HLA-DPB1: variants seen among roughly 807,000 people sequenced by gnomAD.
HLA-DPB1 encodes the protein HLA class II histocompatibility antigen, DP beta 1 chain.
A neutral mutation model predicts 29.4 loss-of-function variants in HLA-DPB1; 30 were observed. That is an observed-to-expected ratio of 1.02 (90% confidence interval 0.76 to 1.38). HLA-DPB1 has a LOEUF of 1.38. HLA-DPB1 is among the 40% of genes most tolerant of loss of function. The pLI, the probability that HLA-DPB1 is intolerant of heterozygous loss-of-function variation, is 0.00. For missense variants in HLA-DPB1, 261 were observed against 327.5 expected (o/e 0.80, Z 1.57); for synonymous variants, 114 against 134.0 (o/e 0.85, Z 1.03).
chr6:33,081,415 A>AG (rs1762860625), intron 2 of HLA-DPB1, among the ~76,000 whole-genome samples: 1 of 152,064 alleles, frequency 6.6e-6, no homozygotes, highest in Admixed American at 6.5e-5. Context: ...GAGGGGACCC[A>AG]GGGGGAAGAG....
rs1763146410 is a variant in HLA-DPB1, at chr6:33,087,194, C to T, written c.*660C>T. On this transcript the variant is annotated 3_prime_UTR_variant, in exon 6 of 6. Coordinates refer to ENST00000418931, the MANE Select transcript of HLA-DPB1 (RefSeq NM_002121.6). Reference sequence around the variant, plus strand: ...TTAAAATCATAAATATAATCTAATACACTTTAACCATTTTCTTTGTGTGCC... The same window carrying T: ...TTAAAATCATAAATATAATCTAATATACTTTAACCATTTTCTTTGTGTGCC... 1 of 153,222 alleles carries T rather than the reference C, an allele frequency of 6.5e-6. No individual in the cohort carries two copies. Among genetic ancestry groups the T allele is most frequent in the Non-Finnish European group, 1.5e-5 (1 of 68,746 alleles). 9.5% of individuals were successfully genotyped at this position (153,222 alleles called of 1,614,324 possible). A position where few individuals can be genotyped will look rare whatever the true frequency, so the allele number is the denominator to read the frequency against.
At position 33,085,233 on chromosome 6, in the gene HLA-DPB1, T is replaced by G. The variant is rs766369841; in HGVS notation, c.646+2T>G. ...ATAGTCCTGTCACCGTGGAGTGGAGTGAGTCTCTGATGACCCTCTAGACCC... is the reference window on the plus strand; with the variant it reads ...ATAGTCCTGTCACCGTGGAGTGGAGGGAGTCTCTGATGACCCTCTAGACCC... On this transcript the variant is annotated splice_donor_variant, in intron 3 of 5. Transcript: ENST00000418931. LOFTEE classifies it high-confidence loss of function. 1 of 1,600,568 alleles carries G rather than the reference T, an allele frequency of 6.2e-7. No homozygotes were observed. Among genetic ancestry groups the G allele is most frequent in the Admixed American group, 1.7e-5 (1 of 59,620 alleles).
chr6:33,086,273 G>C (rs531461047), intron 5 of HLA-DPB1, 31 bp downstream of exon 5: 19 of 1,519,426 alleles, frequency 1.3e-5, no homozygotes, highest in Non-Finnish European at 1.6e-5. Flanking sequence ...TCCTTGTGGG[G>C]TGGGTTGCAG....
In HLA-DPB1 at chr6:33,076,076, C is replaced by G; in HGVS notation, c.35C>G (p.Thr12Arg). The stretch of plus-strand genomic sequence containing the variant: ...CTGCAGGTTTCTGCGGCCCCCCGGA[C>G]AGTGGCTCTGACGGCGTTACTGATG... ...MVLQVSAAPR[T>R]VALTALLMVL... The change falls in exon 1 of 6, where the codon ACA (threonine) becomes AGA (arginine). Residue 12 changes from threonine to arginine, a missense_variant. Transcript: ENST00000418931. The G allele has an allele frequency of 6.2e-7, 1 of 1,612,628 alleles. No individual in the cohort carries two copies. The highest frequency in any genetic ancestry group is 8.5e-7 in the Non-Finnish European group (1 of 1,179,916).
At chr6:33,079,140 G>T (rs1762707811) in intron 1 of HLA-DPB1, among the ~76,000 whole-genome samples, 2 of 152,238 alleles carry the variant, frequency 1.3e-5, no homozygotes, top group African/African-American at 4.8e-5. Context: ...ACTTCTGCTA[G>T]GGGTGAGGTT....
Position 33,085,781 on chromosome 6 carries a change from GCA to G in HLA-DPB1, c.652_653del (p.Gln218ValfsTer2). 1.2e-6 allele frequency: 2 copies of G among 1,612,190 alleles called. No homozygotes were observed. Among genetic ancestry groups the G allele is most frequent in the Non-Finnish European group, 8.5e-7 (1 of 1,178,254 alleles). On this transcript the variant is annotated frameshift_variant, in exon 4 of 6. Transcript: ENST00000418931. LOFTEE classifies it high-confidence loss of function. ...AAACCTGGGTCTGTCCTTCCCAGAG[GCA>G]CAGTCTGATTCTGCCCGGAGTAAGA... Reference protein sequence around the residue: ...LDSPVTVEWKAQSDSARSKTL... With the variant: ...LDSPVTVEWKXQSDSARSKTL...
At chr6:33,076,833 C>T (rs1375215193) in intron 1 of HLA-DPB1, among the ~76,000 whole-genome samples, 1 of 152,086 alleles carries the variant, frequency 6.6e-6, no homozygotes, top group Non-Finnish European at 1.5e-5. Flanking sequence ...TGAAAAATCT[C>T]TTCTTCCTGC....
At chr6:33,079,548 A>G (rs1391025325) in intron 1 of HLA-DPB1, 2 of 378,256 alleles carry the variant, frequency 5.3e-6, no homozygotes, top group Non-Finnish European at 1.0e-5. Flanking sequence ...AAAATTAAGC[A>G]TAACTGGCGG....
At chr6:33,081,382 A>G (rs2856826) in intron 2 of HLA-DPB1, 3,709 of 176,988 alleles carry the variant, frequency 0.021, 85 homozygotes, top group African/African-American at 0.065. Context: ...GAGGAGACTG[A>G]GATACATGAG....
chr6:33,086,325 C>T (rs1763101410), intron 5 of HLA-DPB1, 83 bp downstream of exon 5: 1 of 1,089,042 alleles, frequency 9.2e-7, no homozygotes, highest in Non-Finnish European at 1.4e-6. Context: ...ACTGAGGCTC[C>T]TCCAGGAAGG....
At chr6:33,077,019 A>AT (rs1762571798) in intron 1 of HLA-DPB1, among the ~76,000 whole-genome samples, 2 of 151,298 alleles carry the variant, frequency 1.3e-5, no homozygotes, top group Non-Finnish European at 2.9e-5. Context: ...TGCTGCACCC[A>AT]TTAACTCGTC....
In HLA-DPB1 at chr6:33,080,911, G is replaced by GA. The variant is rs141530233; in HGVS notation, c.340_341insA (p.Gly114GlufsTer12). On this transcript the variant is annotated frameshift_variant, in exon 2 of 6. Transcript: ENST00000418931. LOFTEE classifies it high-confidence loss of function. This position sits in a 1 kb window ranked among gnomAD's most constrained non-coding sequence, Gnocchi z 4.3. ...GTGCAGACACAACTACGAGCTGGGC[G>GA]GGCCCATGACCCTGCAGCGCCGAGG... 7 of 1,603,872 alleles carry GA rather than the reference G, an allele frequency of 4.4e-6. No individual in the cohort carries two copies. Among genetic ancestry groups the GA allele is most frequent in the East Asian group, 2.2e-5 (1 of 44,822 alleles).
At chr6:33,079,362 G>T (rs1388779584) in intron 1 of HLA-DPB1, 2 of 189,916 alleles carry the variant, frequency 1.1e-5, no homozygotes, top group African/African-American at 4.8e-5. Context: ...TGTGGGAAAG[G>T]CTGCCAAAAT....
chr6:33,086,353 C>A, intron 5 of HLA-DPB1, 111 bp downstream of exon 5: 2 of 904,834 alleles, frequency 2.2e-6, no homozygotes, highest in Non-Finnish European at 3.7e-6. Context: ...AGGCATGAAC[C>A]CCTCTTTCAA....
Position 33,086,406 on chromosome 6 carries a change from C to T in HLA-DPB1, c.*5-133C>T. On this transcript the variant is annotated intron_variant, in intron 5 of 5. Coordinates refer to ENST00000418931, the MANE Select transcript of HLA-DPB1 (RefSeq NM_002121.6). ...GTGGGGAAAGAGCATTGCTTGGCTC[C>T]ATTGCTGAAGGAAGCAGAGATCAAC... is the stretch of plus-strand genomic sequence containing the variant. The T allele has an allele frequency of 4.0e-6, 3 of 745,494 alleles. No homozygotes were observed. In the South Asian group the frequency reaches 4.3e-5, roughly 11 times the overall value. 46.2% of individuals were successfully genotyped at this position (745,494 alleles called of 1,614,324 possible). A position where few individuals can be genotyped will look rare whatever the true frequency, so the allele number is the denominator to read the frequency against.
intron 2 of HLA-DPB1, chr6:33,081,154 G>C (rs1762845903): frequency 7.1e-6 from 4 of 565,546 alleles, no homozygotes; most frequent in Non-Finnish European, 1.2e-5. Flanking sequence ...AGAGCAGAGA[G>C]ACCCCCGGGA....
In HLA-DPB1 at chr6:33,076,138, C is replaced by T. The variant is rs1393414427; in HGVS notation, c.97C>T (p.Pro33Ser). Residue 33 changes from proline (P) to serine (S), a missense_variant, in exon 1 of 6, where the codon CCA (proline) becomes TCA (serine). By Grantham distance (74) the Pro-to-Ser change is moderately conservative. Transcript: ENST00000418931. ...ATCTGTGGTCCAGGGCAGGGCCACT[C>T]CAGGTAAGAGCCGAACTGCCATTCT... is the stretch of plus-strand genomic sequence containing the variant. ...LTSVVQGRAT[P>S]ENYLFQGRQE... 6.2e-7 allele frequency: 1 copy of T among 1,602,246 alleles called. No homozygotes were observed. The highest frequency in any genetic ancestry group is 8.5e-7 in the Non-Finnish European group (1 of 1,172,556).
chr6:33,078,448 A>T (rs940548583), intron 1 of HLA-DPB1, among the ~76,000 whole-genome samples: 3 of 152,180 alleles, frequency 2.0e-5, no homozygotes, highest in Non-Finnish European at 2.9e-5. Context: ...GAGCCAGGCT[A>T]TAGCTTAAAG....
chr6:33,084,060 C>T (rs537115372), intron 2 of HLA-DPB1: 2 of 134,156 alleles, frequency 1.5e-5, no homozygotes, highest in South Asian at 2.4e-4. Context: ...TAAAAAAATA[C>T]ATAGGTTTTT....
Sources: gnomAD v4.1 joint callset for allele counts (sites outside exome capture counted in the v4.1 genomes callset) on GRCh38, gnomAD v4.1.1 for gene constraint, Gnocchi (gnomAD v3.1) non-coding constraint, MANE v1.5 for transcripts, NCBI Gene and HGNC (gene_info 2026-07-23, HGNC 2026-07-21) for gene names.